Variants in RETREG1 observed in about 807,000 individuals in gnomAD.
The protein encoded by RETREG1 is family with sequence similarity 134 member B.
RETREG1 carries 44 observed loss-of-function variants against 54.8 expected under a neutral mutation model. The ratio of observed to expected loss-of-function variants is 0.80; its 90% CI spans 0.63 to 1.03. The LOEUF is 1.03. Among genes scored for constraint, RETREG1 ranks in the 50% least tolerant of loss-of-function variants. The probability of loss-of-function intolerance (pLI) is 0.00; values close to 1 mark genes in which losing one functional copy is unlikely to be tolerated. For missense variants in RETREG1, 554 were observed against 605.1 expected (o/e 0.92, Z 0.89); for synonymous variants, 217 against 238.5 (o/e 0.91, Z 0.83).
Position 16,616,901 on chromosome 5 carries a change from G to A in RETREG1, c.71C>T (p.Pro24Leu), listed in dbSNP as rs751270886. 1.4e-6 allele frequency: 2 copies of A among 1,481,138 alleles called. No individual in the cohort carries two copies. Among genetic ancestry groups the A allele is most frequent in the Non-Finnish European group, 1.8e-6 (2 of 1,123,298 alleles). The allele number at this position is 1,481,138 out of a possible 1,614,324, so 91.7% of individuals were successfully genotyped here. A position where few individuals can be genotyped will look rare whatever the true frequency, so the allele number is the denominator to read the frequency against. ...TGCCTGGGGCGGTGGCGGCGACGGC[G>A]GCGCCTGCTCCTCGGCGGCAGGAGC... ...CPAPAAEEQAPPSPPPPQASP... is the reference protein window; with the variant it reads ...CPAPAAEEQALPSPPPPQASP... The change falls in exon 1 of 9, where the codon CCG (proline) becomes CTG (leucine). Residue 24 changes from proline (P) to leucine (L), a missense_variant. Coordinates refer to ENST00000306320, the MANE Select transcript of RETREG1 (RefSeq NM_001034850.3).
At chr5:16,577,903 C>T (rs560766360) in intron 1 of RETREG1, among the ~76,000 whole-genome samples, 1 of 152,328 alleles carries the variant, frequency 6.6e-6, no homozygotes, top group South Asian at 2.1e-4. Flanking sequence ...TGTGAGGCCT[C>T]CTCAGCCACG....
intron 3 of RETREG1, among the ~76,000 whole-genome samples, chr5:16,519,749 C>T (rs1256459770): frequency 6.6e-6 from 1 of 152,188 alleles, no homozygotes; most frequent in Non-Finnish European, 1.5e-5. Flanking sequence ...CCAGTTGCAC[C>T]TCTTGTGCTG....
chr5:16,499,595 G>T (rs1739618061), intron 3 of RETREG1, among the ~76,000 whole-genome samples: 1 of 152,192 alleles, frequency 6.6e-6, no homozygotes, highest in Non-Finnish European at 1.5e-5. Context: ...GTCACTTCGA[G>T]TCAGAGTAAT....
chr5:16,492,240 C>T (rs1739280965), intron 3 of RETREG1, among the ~76,000 whole-genome samples: 2 of 151,828 alleles, frequency 1.3e-5, no homozygotes, highest in Non-Finnish European at 1.5e-5. Context: ...CACACACACA[C>T]ACACACACAC....
intron 1 of RETREG1, among the ~76,000 whole-genome samples, chr5:16,588,425 C>A (rs1432738977): frequency 6.6e-6 from 1 of 152,176 alleles, no homozygotes; most frequent in African/African-American, 2.4e-5. Flanking sequence ...AATATAATCA[C>A]CTTTTCAGGT....
chr5:16,579,016 A>T lies in RETREG1; in HGVS notation c.321-6914T>A, dbSNP rs115178485. 5.6e-3 allele frequency among the ~76,000 whole-genome samples: 846 copies of T among 152,290 alleles called. 12 individuals are homozygous for T. The highest frequency in any genetic ancestry group is 0.019 in the African/African-American group (792 of 41,546). ...ATTTGGCCAGGTAGAAAAGAGACCA[A>T]TGCATTCCAGGCTGGGGAACAGGGT... is the stretch of plus-strand genomic sequence containing the variant. On this transcript the variant is annotated intron_variant, in intron 1 of 8. Coordinates refer to ENST00000306320, the MANE Select transcript of RETREG1 (RefSeq NM_001034850.3).
At chr5:16,506,533 G>A (rs1398757151) in intron 3 of RETREG1, among the ~76,000 whole-genome samples, 1 of 150,978 alleles carries the variant, frequency 6.6e-6, no homozygotes, top group East Asian at 2.0e-4. Flanking sequence ...GAGTACAGTG[G>A]GCTGATCACA....
At chr5:16,480,068 A>C (rs1487864767) in intron 5 of RETREG1, among the ~76,000 whole-genome samples, 1 of 152,044 alleles carries the variant, frequency 6.6e-6, no homozygotes, top group Admixed American at 6.6e-5. Context: ...CATAATCAAG[A>C]TAGTGAACAT....
chr5:16,578,250 A>C (rs1742389070), intron 1 of RETREG1, among the ~76,000 whole-genome samples: 1 of 152,168 alleles, frequency 6.6e-6, no homozygotes. Flanking sequence ...CTTTCTAACA[A>C]AACTAATCAC....
chr5:16,512,919 G>A lies in RETREG1; in HGVS notation c.459-29447C>T, dbSNP rs182721786. Among the ~76,000 whole-genome samples the A allele has an allele frequency of 4.8e-4, 73 of 151,196 alleles. 2 individuals carry two copies. The East Asian group carries it at 0.014, about 29-fold the overall frequency. ...CAAAGTAGACCTCTAGTGATTCCCA[G>A]AAACACCGAGAGACCAAGCGAAGGT... On this transcript the variant is annotated intron_variant, in intron 3 of 8. Transcript: ENST00000306320.
intron 2 of RETREG1, among the ~76,000 whole-genome samples, chr5:16,566,022 C>T (rs1579689381): frequency 6.6e-6 from 1 of 152,140 alleles, no homozygotes; most frequent in Non-Finnish European, 1.5e-5. Flanking sequence ...TGGGTGAGTA[C>T]CGTGGGAGAT....
intron 3 of RETREG1, among the ~76,000 whole-genome samples, chr5:16,523,215 C>A (rs143418305): frequency 6.6e-6 from 1 of 152,102 alleles, no homozygotes; most frequent in African/African-American, 2.4e-5. Flanking sequence ...AACTAAATTC[C>A]GGACTTGGCT....
intron 2 of RETREG1, among the ~76,000 whole-genome samples, chr5:16,571,253 C>A (rs2126632939): frequency 6.6e-6 from 1 of 152,302 alleles, no homozygotes; most frequent in South Asian, 2.1e-4. Context: ...CGGACCTCCA[C>A]CAAAAGCATC....
chr5:16,586,992 A>T (rs1387825520), intron 1 of RETREG1, among the ~76,000 whole-genome samples: 1 of 152,208 alleles, frequency 6.6e-6, no homozygotes. Context: ...AATCCCATTC[A>T]TGAGGGCTCC....
At chr5:16,608,277 T>C (rs1032604393) in intron 1 of RETREG1, among the ~76,000 whole-genome samples, 4 of 152,058 alleles carry the variant, frequency 2.6e-5, no homozygotes, top group African/African-American at 9.7e-5. Flanking sequence ...ATCTACAGTG[T>C]TTCAGATCTC....
intron 2 of RETREG1, among the ~76,000 whole-genome samples, chr5:16,570,087 G>C (rs1742132750): frequency 6.6e-6 from 1 of 152,200 alleles, no homozygotes; most frequent in African/African-American, 2.4e-5. Flanking sequence ...TGTTTCTGCT[G>C]TTTTGAAACA....
At position 16,597,052 on chromosome 5, in the gene RETREG1, T is replaced by C. The variant is rs193113155; in HGVS notation, c.320+19600A>G. Reference sequence around the variant, plus strand: ...TTGTCAGACAACAGAAAAATGCATCTACACCAAAGGACGTGGAAAGAATCC... The same window carrying C: ...TTGTCAGACAACAGAAAAATGCATCCACACCAAAGGACGTGGAAAGAATCC... On this transcript the variant is annotated intron_variant, in intron 1 of 8. Transcript: ENST00000306320. The surrounding 1 kb of genome is among the most constrained non-coding windows in gnomAD (Gnocchi z 4.3). Among the ~76,000 whole-genome samples, 1 of 152,344 alleles carries C rather than the reference T, an allele frequency of 6.6e-6. No individual in the cohort carries two copies. Among genetic ancestry groups the C allele is most frequent in the Admixed American group, 6.5e-5 (1 of 15,308 alleles).
intron 3 of RETREG1, among the ~76,000 whole-genome samples, chr5:16,543,295 G>A (rs557326205): frequency 7.9e-5 from 12 of 152,150 alleles, no homozygotes; most frequent in East Asian, 7.7e-4. Context: ...ATTTACATGC[G>A]GACCTGTTTT....
chr5:16,528,694 C>A lies in RETREG1; in HGVS notation c.458+37069G>T, dbSNP rs963575678. ...TAACTTTGATCCACTCACGTGAACA[C>A]TATGCCTCCTTCAAAGCACCTGTCT... On this transcript the variant is annotated intron_variant, in intron 3 of 8. Coordinates refer to ENST00000306320, the MANE Select transcript of RETREG1 (RefSeq NM_001034850.3). 5.2e-4 allele frequency among the ~76,000 whole-genome samples: 79 copies of A among 152,206 alleles called. 1 individual carries two copies. The highest frequency in any genetic ancestry group is 1.9e-3 in the African/African-American group (78 of 41,442).
Sources: gnomAD v4.1 joint callset for allele counts (sites outside exome capture counted in the v4.1 genomes callset) on GRCh38, gnomAD v4.1.1 for gene constraint, Gnocchi (gnomAD v3.1) non-coding constraint, MANE v1.5 for transcripts, NCBI Gene and HGNC (gene_info 2026-07-23, HGNC 2026-07-21) for gene names.